Variants in SH2D4B observed in about 807,000 individuals in gnomAD.
The protein encoded by SH2D4B is SH2 domain containing 4B.
SH2D4B carries 45 observed loss-of-function variants against 61.5 expected under a neutral mutation model. The ratio of observed to expected loss-of-function variants is 0.73; its 90% CI spans 0.58 to 0.94. The LOEUF is 0.94. Among genes scored for constraint, SH2D4B ranks in the 40% least tolerant of loss-of-function variants. The probability of loss-of-function intolerance (pLI) is 0.00; values close to 1 mark genes in which losing one functional copy is unlikely to be tolerated. For synonymous variants in SH2D4B, 224 were observed against 220.4 expected, an observed-to-expected ratio of 1.02 and a Z score of -0.14; for missense variants, 572 against 574.2, an observed-to-expected ratio of 1.00 and a Z score of 0.04.
At chr10:80,577,376 C>T in intron 3 of SH2D4B, among the ~76,000 whole-genome samples, 1 of 152,152 alleles carries the variant, frequency 6.6e-6, no homozygotes, top group East Asian at 1.9e-4. Context: ...AATTATTAAC[C>T]TGCAGAATCA....
Position 80,570,249 on chromosome 10 carries a change from G to A in SH2D4B, c.280G>A (p.Glu94Lys), listed in dbSNP as rs764225122. ...AGGCCCTGGTGACAAGCCCTACGAA[G>A]AGATCTCTGAGGAGCTGATTGCAGA... The part of the protein sequence containing the change: ...GEGPGDKPYE[E>K]ISEELIAERA... Residue 94 changes from glutamate (E) to lysine (K), a missense_variant, in exon 2 of 8, where the codon GAG becomes AAG. Transcript: ENST00000646907. 6.2e-7 allele frequency: 1 copy of A among 1,614,150 alleles called. No homozygotes were observed. The highest frequency in any genetic ancestry group is 1.7e-5 in the Admixed American group (1 of 60,022).
intron 4 of SH2D4B, among the ~76,000 whole-genome samples, chr10:80,589,060 A>G (rs1311928194): frequency 1.3e-5 from 2 of 151,090 alleles, no homozygotes; most frequent in East Asian, 2.0e-4. Context: ...CTGGAGTGCA[A>G]TGGTGCGATC....
rs1433602910 is a variant in SH2D4B, at chr10:80,634,462, C to G, written c.1166C>G (p.Pro389Arg). 1 of 1,550,436 alleles carries G rather than the reference C, an allele frequency of 6.4e-7. No homozygotes were observed. Among genetic ancestry groups the G allele is most frequent in the Non-Finnish European group, 8.7e-7 (1 of 1,146,980 alleles). ...GDFYSFLGVD[P>R]NRHATLTDLV... ...TTTTACAGCTTCCTGGGAGTGGACCCCAATCGCCATGCAACGCTCACGGAT... is the reference window on the plus strand; with the variant it reads ...TTTTACAGCTTCCTGGGAGTGGACCGCAATCGCCATGCAACGCTCACGGAT... Residue 389 changes from proline (P) to arginine (R), a missense_variant, in exon 7 of 8, where the codon CCC (proline) becomes CGC (arginine). Physicochemically the swap from Pro to Arg is moderately radical, Grantham distance 103. Coordinates refer to ENST00000646907, the MANE Select transcript of SH2D4B (RefSeq NM_001388272.1).
Position 80,644,174 on chromosome 10 carries a change from G to T in SH2D4B, c.*89G>T. ...TCATCTCAAATCCTATGGCCTTCTGGAAGATCCACCACTATCCAAAGGAAA... is the reference window on the plus strand; with the variant it reads ...TCATCTCAAATCCTATGGCCTTCTGTAAGATCCACCACTATCCAAAGGAAA... On this transcript the variant is annotated 3_prime_UTR_variant, in exon 8 of 8. Transcript: ENST00000646907. 1 of 1,040,622 alleles carries T rather than the reference G, an allele frequency of 9.6e-7. No homozygotes were observed. Among genetic ancestry groups the T allele is most frequent in the South Asian group, 1.4e-5 (1 of 73,460 alleles). The allele number at this position is 1,040,622 out of a possible 1,614,324, so 64.5% of individuals were successfully genotyped here.
intron 3 of SH2D4B, among the ~76,000 whole-genome samples, chr10:80,582,162 C>G (rs1842191255): frequency 6.6e-6 from 1 of 152,084 alleles, no homozygotes; most frequent in African/African-American, 2.4e-5. Flanking sequence ...TCCAGGCTAC[C>G]ACCTCCCTCC....
At chr10:80,575,403 C>T (rs761109613) in intron 3 of SH2D4B, among the ~76,000 whole-genome samples, 2 of 152,000 alleles carry the variant, frequency 1.3e-5, no homozygotes, top group Non-Finnish European at 2.9e-5. Flanking sequence ...AGCCAACTGT[C>T]CCTGTCACAC....
chr10:80,630,765 A>G (rs1842823309), intron 6 of SH2D4B, among the ~76,000 whole-genome samples: 1 of 152,224 alleles, frequency 6.6e-6, no homozygotes, highest in South Asian at 2.1e-4. Context: ...ATGAGGAGTC[A>G]GGGTCAGCTG....
At chr10:80,566,045 C>A (rs993221076) in intron 1 of SH2D4B, among the ~76,000 whole-genome samples, 1 of 130,514 alleles carries the variant, frequency 7.7e-6, no homozygotes, top group Non-Finnish European at 1.6e-5. Flanking sequence ...GAGCTGAGAT[C>A]GCGCCACTGC....
At chr10:80,578,508 T>G (rs943552441) in intron 3 of SH2D4B, among the ~76,000 whole-genome samples, 1 of 151,646 alleles carries the variant, frequency 6.6e-6, no homozygotes, top group Admixed American at 6.6e-5. Context: ...ACTTTAGAGG[T>G]CTGGGCATGA....
In SH2D4B at chr10:80,603,767, C is replaced by A. The variant is rs866272403; in HGVS notation, c.832C>A (p.Leu278Met). 19 of 1,611,644 alleles carry A rather than the reference C, an allele frequency of 1.2e-5. No individual in the cohort carries two copies. The Middle Eastern group carries it at 3.1e-3, about 265-fold the overall frequency. ...RLYHHLPDPG[L>M]PQPLALPVSR... The stretch of plus-strand genomic sequence containing the variant: ...CTACCACCACCTCCCCGACCCGGGT[C>A]TGCCGCAGCCCCTTGCCCTGCCGGT... The change falls in exon 5 of 8, where the codon CTG (leucine) becomes ATG (methionine). Residue 278 changes from leucine to methionine, a missense_variant. Physicochemically the swap from Leu to Met is conservative, Grantham distance 15 (BLOSUM62 2). Transcript: ENST00000646907.
chr10:80,592,806 T>C (rs11516914), intron 4 of SH2D4B, among the ~76,000 whole-genome samples: 18,212 of 151,348 alleles, frequency 0.12, 1,239 homozygotes, highest in East Asian at 0.25. Flanking sequence ...CTCTGCCCTA[T>C]GGGCTCAAAT....
chr10:80,565,549 C>T (rs559466824), intron 1 of SH2D4B, among the ~76,000 whole-genome samples: 1 of 152,210 alleles, frequency 6.6e-6, no homozygotes, highest in South Asian at 2.1e-4. Context: ...GCATGCACCA[C>T]CACACCCAAC....
chr10:80,552,074 T>C (rs1841768621), intron 1 of SH2D4B, among the ~76,000 whole-genome samples: 1 of 152,190 alleles, frequency 6.6e-6, no homozygotes, highest in Non-Finnish European at 1.5e-5. Context: ...TTGACCTAAT[T>C]ACCTCTTGCC....
intron 6 of SH2D4B, among the ~76,000 whole-genome samples, chr10:80,621,665 C>T (rs899121132): frequency 4.6e-5 from 7 of 152,186 alleles, no homozygotes; most frequent in African/African-American, 1.7e-4. Flanking sequence ...AAGAAAGGCC[C>T]TGGTCAGTGG....
chr10:80,614,684 C>T (rs1252726160), intron 6 of SH2D4B, among the ~76,000 whole-genome samples: 2 of 152,262 alleles, frequency 1.3e-5, no homozygotes, highest in South Asian at 2.1e-4. Context: ...TGACCTCTGC[C>T]ATGCAGTGTG....
In SH2D4B at chr10:80,603,615, G is replaced by A. The variant is rs778559693; in HGVS notation, c.680G>A (p.Arg227His). Reference protein sequence around the residue: ...RSKAADEERSRRAQRARDEYR... With the variant: ...RSKAADEERSHRAQRARDEYR... ...AAGGCGGCTGATGAGGAGAGGAGCC[G>A]CCGAGCCCAGCGCGCCCGGGACGAG... Residue 227 changes from arginine to histidine, a missense_variant, in exon 5 of 8, where the codon CGC becomes CAC. Coordinates refer to ENST00000646907, the MANE Select transcript of SH2D4B (RefSeq NM_001388272.1). The A allele has an allele frequency of 3.0e-5, 48 of 1,578,714 alleles. No homozygotes were observed. The highest frequency in any genetic ancestry group is 5.8e-5 in the South Asian group (5 of 86,548).
rs150320008 is a variant in SH2D4B at position 80,559,466 on chromosome 10, T to C, written c.185-10688T>C. On this transcript the variant is annotated intron_variant, in intron 1 of 7. Transcript: ENST00000646907. The stretch of plus-strand genomic sequence containing the variant: ...CTACTTTGGTGCCTTTCTACAATCT[T>C]GCTCCCCATCTCTTATGCAACCCTT... Among the ~76,000 whole-genome samples the C allele has an allele frequency of 6.8e-4, 103 of 152,290 alleles. 1 individual carries two copies. Among genetic ancestry groups the C allele is most frequent in the African/African-American group, 2.3e-3 (97 of 41,568 alleles).
chr10:80,592,484 T>G (rs1026349416), intron 4 of SH2D4B, among the ~76,000 whole-genome samples: 7 of 152,232 alleles, frequency 4.6e-5, no homozygotes, highest in African/African-American at 1.7e-4. Flanking sequence ...CACCTATCTT[T>G]GTTCTAAGAG....
At chr10:80,607,877 G>T (rs1842537777) in intron 5 of SH2D4B, among the ~76,000 whole-genome samples, 1 of 152,204 alleles carries the variant, frequency 6.6e-6, no homozygotes, top group Non-Finnish European at 1.5e-5. Context: ...GTGGGCTGTT[G>T]CCTTGTTCCT....
Sources: gnomAD v4.1 joint callset for allele counts (sites outside exome capture counted in the v4.1 genomes callset) on GRCh38, gnomAD v4.1.1 for gene constraint, MANE v1.5 for transcripts, NCBI Gene and HGNC (gene_info 2026-07-23, HGNC 2026-07-21) for gene names.